The following KLF8 variants were observed in gnomAD, a reference collection of about 807,000 sequenced individuals.
The protein encoded by KLF8 is KLF transcription factor 8.
KLF8 carries 10 observed loss-of-function variants against 18.2 expected under a neutral mutation model. That is an observed-to-expected ratio of 0.55 (90% CI 0.34 to 0.93). The LOEUF is 0.93. Ranked by LOEUF, KLF8 falls within the 40% of genes least tolerant of loss-of-function variation. The pLI, the probability that KLF8 is intolerant of heterozygous loss-of-function variation, is 0.02. For synonymous variants in KLF8, 109 were observed against 97.3 expected (o/e 1.12, Z -0.71); for missense variants, 264 against 277.9 (o/e 0.95, Z 0.36).
chrX:55,994,093 G>A, the KLF8 span, among the ~76,000 whole-genome samples: 1 of 109,496 alleles, frequency 9.1e-6, no homozygotes, highest in Non-Finnish European at 1.9e-5. Flanking sequence ...TGTATTTTTA[G>A]TAGAGACAGG....
chrX:56,231,650 A>G (rs1266501766), upstream of KLF8, among the ~76,000 whole-genome samples: 3 of 111,730 alleles, frequency 2.7e-5, no homozygotes, highest in Admixed American at 9.5e-5. Flanking sequence ...CCTCCCATTA[A>G]AATGAGCTAG....
chrX:56,078,361 A>T, the KLF8 span, among the ~76,000 whole-genome samples: 4 of 112,169 alleles, frequency 3.6e-5, no homozygotes, highest in South Asian at 1.5e-3. Flanking sequence ...AGTGCTGCTG[A>T]ATTTTGTCAA....
chrX:55,980,042 A>G, the KLF8 span, among the ~76,000 whole-genome samples: 1 of 112,063 alleles, frequency 8.9e-6, no homozygotes, highest in African/African-American at 3.2e-5. Flanking sequence ...TTAGTATACC[A>G]TTGAAGTTAG....
chrX:56,268,657 A>G lies in KLF8; in HGVS notation c.647-721A>G, dbSNP rs962699317. Reference sequence around the variant, plus strand: ...AGTGAATGATATGCAAAGTATAGAGACAACTCTTTTAACCAAATACTTGTT... The same window carrying G: ...AGTGAATGATATGCAAAGTATAGAGGCAACTCTTTTAACCAAATACTTGTT... On this transcript the variant is annotated intron_variant, in intron 3 of 5. Transcript: ENST00000468660. 85 of 762,238 alleles carry G rather than the reference A, an allele frequency of 1.1e-4. 1 individual carries two copies. The highest frequency in any genetic ancestry group is 7.3e-4 in the Middle Eastern group (1 of 1,379). The allele number at this position is 762,238 out of a possible 1,213,427, so 62.8% of individuals were successfully genotyped here.
the KLF8 span, among the ~76,000 whole-genome samples, chrX:56,145,872 G>GA: frequency 0.12 from 12,624 of 104,726 alleles, 1,354 homozygotes; most frequent in African/African-American, 0.34. Flanking sequence ...AAATTTACAA[G>GA]AAAAAAAAAA....
the KLF8 span, among the ~76,000 whole-genome samples, chrX:56,216,108 T>C: frequency 2.8e-5 from 3 of 108,938 alleles, no homozygotes; most frequent in African/African-American, 1.0e-4. Context: ...TCCCTAACTT[T>C]GTGGATTGGA....
chrX:56,119,459 A>G, the KLF8 span, among the ~76,000 whole-genome samples: 1 of 110,904 alleles, frequency 9.0e-6, no homozygotes. Flanking sequence ...GCTGGAGTGC[A>G]GTGGCGTGAT....
chrX:56,053,957 C>T, the KLF8 span, among the ~76,000 whole-genome samples: 3 of 110,408 alleles, frequency 2.7e-5, no homozygotes, highest in South Asian at 3.8e-4. Context: ...AAAACCAACT[C>T]CTTGAGTTAA....
At chrX:56,228,719 T>C (rs755809098), upstream of KLF8, among the ~76,000 whole-genome samples, 40 of 111,789 alleles carry the variant, frequency 3.6e-4, 1 homozygote, top group Admixed American at 3.4e-3. Flanking sequence ...AACTTAACAC[T>C]GGTTCAACAT....
At chrX:56,156,223 C>T in the KLF8 span, among the ~76,000 whole-genome samples, 1 of 112,145 alleles carries the variant, frequency 8.9e-6, no homozygotes, top group Non-Finnish European at 1.9e-5. Context: ...TGAAAAGCAG[C>T]AATTTCTTTT....
At chrX:56,221,394 A>G in the KLF8 span, among the ~76,000 whole-genome samples, 1 of 112,039 alleles carries the variant, frequency 8.9e-6, no homozygotes, top group Non-Finnish European at 1.9e-5. Context: ...TTCCTTATCC[A>G]GACCTCTAGG....
At chrX:56,140,657 GT>G in the KLF8 span, among the ~76,000 whole-genome samples, 1 of 109,503 alleles carries the variant, frequency 9.1e-6, no homozygotes, top group Admixed American at 9.8e-5. Context: ...TGAGTACTAT[GT>G]TTATTACCTG....
chrX:56,053,558 G>A, the KLF8 span, among the ~76,000 whole-genome samples: 3 of 36,339 alleles, frequency 8.3e-5, no homozygotes, highest in Non-Finnish European at 2.0e-4. Context: ...TTTTTTTTTT[G>A]GGGAATAGTT....
the KLF8 span, among the ~76,000 whole-genome samples, chrX:55,963,560 A>T: frequency 5.6e-5 from 6 of 106,544 alleles, no homozygotes; most frequent in East Asian, 1.7e-3. Context: ...CCCCTCTGAA[A>T]ATAAAAAAAA....
the KLF8 span, among the ~76,000 whole-genome samples, chrX:55,923,330 G>C: frequency 9.4e-6 from 1 of 105,993 alleles, no homozygotes; most frequent in Admixed American, 1.0e-4. Flanking sequence ...ACTAAGGGCT[G>C]TCAGAAGGTG....
chrX:56,202,446 T>G, the KLF8 span, among the ~76,000 whole-genome samples: 6 of 111,111 alleles, frequency 5.4e-5, no homozygotes, highest in Non-Finnish European at 9.5e-5. Context: ...TTACACTCTT[T>G]TAGTTATTTG....
At chrX:55,930,780 G>T in the KLF8 span, among the ~76,000 whole-genome samples, 4 of 111,642 alleles carry the variant, frequency 3.6e-5, no homozygotes, top group Non-Finnish European at 5.6e-5. Context: ...GGTGGATTTC[G>T]CTTGCCAGTA....
chrX:55,939,283 C>T, the KLF8 span, among the ~76,000 whole-genome samples: 4 of 111,474 alleles, frequency 3.6e-5, no homozygotes, highest in South Asian at 3.8e-4. Context: ...CTACTGGGTA[C>T]ATAACGAAAT....
the KLF8 span, among the ~76,000 whole-genome samples, chrX:56,017,194 C>T: frequency 1.8e-5 from 2 of 112,164 alleles, no homozygotes; most frequent in Non-Finnish European, 3.8e-5. Context: ...TTCCCTGTAA[C>T]GCAGAAGCTG....
Sources: gnomAD v4.1 joint callset for allele counts (sites outside exome capture counted in the v4.1 genomes callset) on GRCh38, gnomAD v4.1.1 for gene constraint, MANE v1.5 for transcripts, NCBI Gene and HGNC (gene_info 2026-07-23, HGNC 2026-07-21) for gene names.